The following MPP1 variants were observed in gnomAD, a reference collection of about 807,000 sequenced individuals.
The protein encoded by MPP1 is MAGUK p55 scaffold protein 1, also known as 55 kDa erythrocyte membrane protein.
MPP1 carries 6 observed loss-of-function variants against 38.2 expected under a neutral mutation model. That is an observed-to-expected ratio of 0.16 (90% CI 0.09 to 0.31). The LOEUF is 0.31. Ranked by LOEUF, MPP1 falls within the 10% of genes least tolerant of loss-of-function variation. The pLI is 1.00. For synonymous variants in MPP1, 153 were observed against 146.3 expected (o/e 1.05, Z -0.33); for missense variants, 293 against 368.9 (o/e 0.79, Z 1.69).
intron 1 of MPP1, among the ~76,000 whole-genome samples, chrX:154,794,954 T>G (rs1176653065): frequency 2.7e-5 from 3 of 110,922 alleles, no homozygotes; most frequent in Non-Finnish European, 5.7e-5. Context: ...ATTTTAAAAT[T>G]AGCTGAGTGT....
At chrX:154,794,105 T>C (rs782529020) in intron 1 of MPP1, among the ~76,000 whole-genome samples, 12 of 111,945 alleles carry the variant, frequency 1.1e-4, no homozygotes, top group Admixed American at 9.5e-4. Flanking sequence ...TCCAGGAAAG[T>C]AGTGGTGTGC....
chrX:154,783,501 C>T lies in MPP1; in HGVS notation c.872G>A (p.Ser291Asn), dbSNP rs149812907. ...KRKTLVLIGA[S>N]GVGRSHIKNA... ...CTTAATGTGGCTGCGACCCACCCCA[C>T]TGGCTCCTGTGTAGAGAGAGAAGAA... Residue 291 changes from serine to asparagine, a missense_variant, in exon 9 of 12, where the codon AGT becomes AAT. By Grantham distance (46) the Ser-to-Asn change is conservative. Transcript: ENST00000369534. The T allele has an allele frequency of 8.3e-7, 1 of 1,205,997 alleles. No homozygotes were observed.
intron 6 of MPP1, among the ~76,000 whole-genome samples, chrX:154,785,526 T>TAC (rs1284107344): frequency 2.7e-5 from 3 of 111,432 alleles, no homozygotes; most frequent in Admixed American, 9.5e-5. Flanking sequence ...ACAAAACACA[T>TAC]ACACACACCC....
At position 154,791,840 on chromosome X, in the gene MPP1, G is replaced by A. The variant is rs1557267778; in HGVS notation, c.254C>T (p.Thr85Met). Reference sequence around the variant, plus strand: ...GGACTGTTTTTCATTCAGCTTCAGCGTGATTCCCTGAAATAAAGGCGACGG... The same window carrying A: ...GGACTGTTTTTCATTCAGCTTCAGCATGATTCCCTGAAATAAAGGCGACGG... ...EKVTEEPMGI[T>M]LKLNEKQSCT... is the part of the protein sequence containing the mutation. The change falls in exon 3 of 12, where the codon ACG becomes ATG. Residue 85 changes from threonine (T) to methionine (M), a missense_variant. Transcript: ENST00000369534. 5 of 1,204,714 alleles carry A rather than the reference G, an allele frequency of 4.2e-6. No individual in the cohort carries two copies. The highest frequency in any genetic ancestry group is 4.5e-6 in the Non-Finnish European group (4 of 890,741).
Position 154,791,011 on chromosome X carries a change from T to C in MPP1, c.383A>G (p.His128Arg), listed in dbSNP as rs782646744. The C allele has an allele frequency of 1.1e-5, 13 of 1,210,009 alleles. No homozygotes were observed. In the Admixed American group the frequency reaches 1.5e-4, roughly 14 times the overall value. ...LEINGTNVTN[H>R]SVDQLQKAMK... is the part of the protein sequence containing the mutation. ...CGCCTTCTGCAGCTGATCCACTGAA[T>C]GATTTGTCACATTTGTGCCATTGAT... Residue 128 changes from histidine to arginine, a missense_variant, in exon 4 of 12, where the codon CAT becomes CGT. By Grantham distance (29) the His-to-Arg change is conservative (BLOSUM62 0). Transcript: ENST00000369534.
At chrX:154,782,604 G>C (rs903605676) in intron 9 of MPP1, 4 of 112,684 alleles carry the variant, frequency 3.5e-5, no homozygotes, top group Non-Finnish European at 7.5e-5. Flanking sequence ...TTAAAAAATA[G>C]TAATATGAGG....
At chrX:154,785,224 C>A (rs1453966180) in intron 6 of MPP1, 67 bp from the exon 7 acceptor site, 2 of 784,229 alleles carry the variant, frequency 2.6e-6, no homozygotes, top group East Asian at 7.7e-5. Context: ...CCCAGCCACT[C>A]AGTCTCTAAT....
intron 1 of MPP1, among the ~76,000 whole-genome samples, chrX:154,797,505 C>T (rs1446970071): frequency 2.7e-5 from 3 of 111,212 alleles, no homozygotes; most frequent in Non-Finnish European, 5.7e-5. Flanking sequence ...AGAAACAGAC[C>T]CACAGAGATA....
chrX:154,790,148 C>A (rs2072124390), intron 4 of MPP1, 126 bp from the exon 5 acceptor site: 1 of 444,643 alleles, frequency 2.2e-6, no homozygotes, highest in Admixed American at 3.9e-5. Flanking sequence ...TAGGACAATT[C>A]CTCCTTTAAT....
chrX:154,779,487 A>G, intron 11 of MPP1, 134 bp from the exon 12 acceptor site: 1 of 575,710 alleles, frequency 1.7e-6, no homozygotes, highest in Admixed American at 4.1e-5. Flanking sequence ...TTCAGAAGAC[A>G]TTGTGAAAGA....
chrX:154,794,684 C>T (rs1312944380), intron 1 of MPP1, among the ~76,000 whole-genome samples: 2 of 111,927 alleles, frequency 1.8e-5, no homozygotes, highest in Admixed American at 9.4e-5. Context: ...TATGCCTGAG[C>T]AGTGTCCACT....
intron 9 of MPP1, 83 bp downstream of exon 9, chrX:154,783,344 T>A (rs2072030834): frequency 2.0e-6 from 1 of 493,460 alleles, no homozygotes; most frequent in Non-Finnish European, 3.0e-6. Context: ...ATTTAAAAAA[T>A]AATAAAATAA....
At chrX:154,805,050 T>C (rs2072305337) in intron 1 of MPP1, among the ~76,000 whole-genome samples, 1 of 113,010 alleles carries the variant, frequency 8.8e-6, no homozygotes, top group Admixed American at 9.3e-5. Context: ...GATTTCCAAC[T>C]GGAAGGACTG....
intron 1 of MPP1, among the ~76,000 whole-genome samples, chrX:154,797,579 C>T (rs2072210963): frequency 8.9e-6 from 1 of 111,740 alleles, no homozygotes; most frequent in Non-Finnish European, 1.9e-5. Context: ...ATTGGAAACT[C>T]ATCACCAAAA....
intron 1 of MPP1, among the ~76,000 whole-genome samples, chrX:154,801,101 G>A (rs1051069286): frequency 4.5e-5 from 5 of 112,258 alleles, no homozygotes; most frequent in African/African-American, 1.6e-4. Context: ...AACACTGAAA[G>A]GTTAGAGACA....
intron 2 of MPP1, 66 bp downstream of exon 2, chrX:154,792,076 C>T (rs1233052389): frequency 1.2e-4 from 142 of 1,169,990 alleles, no homozygotes; most frequent in East Asian, 6.0e-4. Flanking sequence ...CTTGCATTGA[C>T]TCTTCTGGCC....
At position 154,779,015 on chromosome X, in the gene MPP1, C is replaced by G; in HGVS notation, c.*162G>C. The stretch of plus-strand genomic sequence containing the variant: ...TCAGGAGAATCAACCCTTCAGGAGC[C>G]TGAGCAAGAAGACTGAACCTTACTG... On this transcript the variant is annotated 3_prime_UTR_variant, in exon 12 of 12. Coordinates refer to ENST00000369534, the MANE Select transcript of MPP1 (RefSeq NM_002436.4). The G allele has an allele frequency of 2.0e-6, 1 of 507,951 alleles. No homozygotes were observed. Among genetic ancestry groups the G allele is most frequent in the Non-Finnish European group, 3.1e-6 (1 of 321,046 alleles). 41.9% of individuals were successfully genotyped at this position (507,951 alleles called of 1,213,427 possible). A position where few individuals can be genotyped will look rare whatever the true frequency, so the allele number is the denominator to read the frequency against.
chrX:154,783,230 A>G (rs1557266816), intron 9 of MPP1, 197 bp downstream of exon 9: 2 of 233,774 alleles, frequency 8.6e-6, no homozygotes, highest in South Asian at 2.2e-4. Context: ...AACAGCACGA[A>G]TAACAATAAG....
At position 154,796,382 on chromosome X, in the gene MPP1, C is replaced by T. The variant is rs141240448; in HGVS notation, c.103-4097G>A. Reference sequence around the variant, plus strand: ...CTGACCGCAAGTGATCCACCTGCCTCGGCCTCCCAAATCTGCTGGGATTAC... The same window carrying T: ...CTGACCGCAAGTGATCCACCTGCCTTGGCCTCCCAAATCTGCTGGGATTAC... On this transcript the variant is annotated intron_variant, in intron 1 of 11. Transcript: ENST00000369534. Among the ~76,000 whole-genome samples, 980 of 111,348 alleles carry T rather than the reference C, an allele frequency of 8.8e-3. 7 individuals are homozygous for T. The highest frequency in any genetic ancestry group is 0.03 in the African/African-American group (925 of 30,567).
Sources: allele counts gnomAD v4.1 joint callset (sites outside exome capture counted in the v4.1 genomes callset), GRCh38; gene constraint gnomAD v4.1.1; transcripts MANE v1.5; gene names NCBI Gene and HGNC (gene_info 2026-07-23, HGNC 2026-07-21).